The following ADAMTS2 variants were observed in gnomAD, a reference collection of about 807,000 sequenced individuals.
The protein encoded by ADAMTS2 is ADAM metallopeptidase with thrombospondin type 1 motif 2.
ADAMTS2 carries 50 observed loss-of-function variants against 123.0 expected under a neutral mutation model. That is an observed-to-expected ratio of 0.41 (90% confidence interval 0.32 to 0.51). ADAMTS2 has a LOEUF of 0.51. ADAMTS2 is among the 20% of genes least tolerant of loss of function. The probability of loss-of-function intolerance (pLI) is 0.35; values close to 1 mark genes in which losing one functional copy is unlikely to be tolerated. For synonymous variants in ADAMTS2, 678 were observed against 695.4 expected, an observed-to-expected ratio of 0.98 and a Z score of 0.39; for missense variants, 1,494 against 1,705.2, an observed-to-expected ratio of 0.88 and a Z score of 2.18.
chr5:179,273,534 C>T (rs2113514390), intron 2 of ADAMTS2, among the ~76,000 whole-genome samples: 1 of 152,280 alleles, frequency 6.6e-6, no homozygotes, highest in East Asian at 1.9e-4. Context: ...ACACATGTTC[C>T]ATCTGGGCCA....
At chr5:179,259,662 G>C (rs1247907655) in intron 3 of ADAMTS2, among the ~76,000 whole-genome samples, 1 of 152,236 alleles carries the variant, frequency 6.6e-6, no homozygotes, top group South Asian at 2.1e-4. Context: ...CTGATACCGG[G>C]TCTGTCGTTC....
intron 5 of ADAMTS2, among the ~76,000 whole-genome samples, chr5:179,172,572 A>C (rs1019276590): frequency 6.6e-6 from 1 of 152,206 alleles, no homozygotes. Flanking sequence ...CATTTCCTTC[A>C]GGTGGACCCG....
At chr5:179,338,254 G>C (rs536051847) in intron 2 of ADAMTS2, among the ~76,000 whole-genome samples, 36 of 152,214 alleles carry the variant, frequency 2.4e-4, no homozygotes, top group Middle Eastern at 6.8e-3. Context: ...CAGGAGAGAC[G>C]CCAGCCCACA....
Position 179,127,462 on chromosome 5 carries a change from C to T in ADAMTS2, c.2617+497G>A, listed in dbSNP as rs73806894. Among the ~76,000 whole-genome samples, 1,053 of 152,236 alleles carry T rather than the reference C, an allele frequency of 6.9e-3. 14 individuals are homozygous for T. Among genetic ancestry groups the T allele is most frequent in the African/African-American group, 0.024 (995 of 41,524 alleles). On this transcript the variant is annotated intron_variant, in intron 17 of 21. Transcript: ENST00000251582. Reference sequence around the variant, plus strand: ...AGAACAGATCAGCGCTTCCTGTCTGCCTCTGGGTCCTATGTCCCATCAACT... The same window carrying T: ...AGAACAGATCAGCGCTTCCTGTCTGTCTCTGGGTCCTATGTCCCATCAACT...
intron 17 of ADAMTS2, 151 bp from the exon 18 acceptor site, chr5:179,126,281 T>C: frequency 8.7e-7 from 1 of 1,155,516 alleles, no homozygotes; most frequent in South Asian, 1.4e-5. Flanking sequence ...AGCCTGCGGC[T>C]GGCTGGGGGG....
chr5:179,248,307 T>C (rs906143102), intron 3 of ADAMTS2, among the ~76,000 whole-genome samples: 38 of 151,858 alleles, frequency 2.5e-4, no homozygotes, highest in Non-Finnish European at 4.4e-5. Flanking sequence ...AAGAAGGAAA[T>C]ATTTGAGGAA....
intron 2 of ADAMTS2, among the ~76,000 whole-genome samples, chr5:179,328,786 C>T (rs759223484): frequency 6.6e-6 from 1 of 152,122 alleles, no homozygotes; most frequent in Non-Finnish European, 1.5e-5. Flanking sequence ...CATTCTAAGT[C>T]TCTTAGTAAT....
chr5:179,117,579 G>A lies in ADAMTS2; in HGVS notation c.3179-3255C>T, dbSNP rs537158408. 2.1e-5 allele frequency among the ~76,000 whole-genome samples: 3 copies of A among 146,082 alleles called. No homozygotes were observed. In the East Asian group the frequency reaches 6.1e-4, roughly 30 times the overall value. On this transcript the variant is annotated intron_variant, in intron 21 of 21. Coordinates refer to ENST00000251582, the MANE Select transcript of ADAMTS2 (RefSeq NM_014244.5). This position sits in a 1 kb window ranked among gnomAD's most constrained non-coding sequence, Gnocchi z 4.2. ...TTTTTTTTTTTTTTTTTGAGATGAA[G>A]TCTTGCTCTGTCGCCCAGGCTGGAG... is the stretch of plus-strand genomic sequence containing the variant.
chr5:179,158,191 T>A lies in ADAMTS2; in HGVS notation c.1132+532A>T, dbSNP rs1333409553. 3.3e-5 allele frequency among the ~76,000 whole-genome samples: 5 copies of A among 152,154 alleles called. No homozygotes were observed. The highest frequency in any genetic ancestry group is 7.3e-5 in the Non-Finnish European group (5 of 68,032). ...CATGTTAGCCAAGATGGTCTCGATCTCCTGACCTCGTGATCTACCTGCCTC... is the reference window on the plus strand; with the variant it reads ...CATGTTAGCCAAGATGGTCTCGATCACCTGACCTCGTGATCTACCTGCCTC... On this transcript the variant is annotated intron_variant, in intron 6 of 21. Coordinates refer to ENST00000251582, the MANE Select transcript of ADAMTS2 (RefSeq NM_014244.5). The surrounding 1 kb of genome is among the most constrained non-coding windows in gnomAD (Gnocchi z 5.0).
At chr5:179,320,150 G>A (rs1757120241) in intron 2 of ADAMTS2, among the ~76,000 whole-genome samples, 1 of 152,216 alleles carries the variant, frequency 6.6e-6, no homozygotes, top group Non-Finnish European at 1.5e-5. Context: ...GGAGGCCACG[G>A]AGGAAATTCC....
intron 2 of ADAMTS2, among the ~76,000 whole-genome samples, chr5:179,293,788 T>A (rs145319329): frequency 5.1e-4 from 78 of 152,038 alleles, no homozygotes; most frequent in African/African-American, 1.8e-3. Context: ...TAAATTTTTT[T>A]TTTTTTTGTA....
At chr5:179,172,137 C>CTATG (rs1763833051) in intron 5 of ADAMTS2, among the ~76,000 whole-genome samples, 1 of 152,208 alleles carries the variant, frequency 6.6e-6, no homozygotes, top group Non-Finnish European at 1.5e-5. Context: ...CTCAGTTCAC[C>CTATG]TATGTCCTCT....
At chr5:179,147,626 G>A (rs1763274824) in intron 10 of ADAMTS2, among the ~76,000 whole-genome samples, 1 of 152,158 alleles carries the variant, frequency 6.6e-6, no homozygotes, top group Admixed American at 6.5e-5. Context: ...TAGATGAGTT[G>A]GCACAGCGGT....
intron 3 of ADAMTS2, among the ~76,000 whole-genome samples, chr5:179,238,297 C>T (rs1765578369): frequency 6.6e-6 from 1 of 152,242 alleles, no homozygotes; most frequent in South Asian, 2.1e-4. Flanking sequence ...GATTCACCCC[C>T]AGCTACTGTG....
At chr5:179,166,432 G>A (rs1019111791) in intron 5 of ADAMTS2, among the ~76,000 whole-genome samples, 1 of 152,222 alleles carries the variant, frequency 6.6e-6, no homozygotes, top group Non-Finnish European at 1.5e-5. Context: ...TGGGTCAGAA[G>A]GTCACTTTGC....
Position 179,139,928 on chromosome 5 carries a change from C to T in ADAMTS2, c.1737G>A (p.Thr579=), listed in dbSNP as rs775505564. ...ACTGGCGGGTCCTGAACTTCACGCCCGTGCCACAGGTACGTGAGCAGGAGC... is the reference window on the plus strand; with the variant it reads ...ACTGGCGGGTCCTGAACTTCACGCCTGTGCCACAGGTACGTGAGCAGGAGC... ...PFGSCSRTCG[T]GVKFRTRQCD... Residue 579 remains threonine, a synonymous_variant, in exon 11 of 22, where the codon ACG becomes ACA. Transcript: ENST00000251582. 1.6e-5 allele frequency: 26 copies of T among 1,612,696 alleles called. No individual in the cohort carries two copies. The highest frequency in any genetic ancestry group is 4.5e-5 in the East Asian group (2 of 44,890).
chr5:179,224,378 T>C (rs1290905311), intron 3 of ADAMTS2, among the ~76,000 whole-genome samples: 1 of 152,216 alleles, frequency 6.6e-6, no homozygotes, highest in East Asian at 1.9e-4. Flanking sequence ...ACCCTCGACC[T>C]GTGGGTCCCT....
rs111409757 is a variant in ADAMTS2, at chr5:179,162,368, C to T, written c.976-3489G>A. On this transcript the variant is annotated intron_variant, in intron 5 of 21. Transcript: ENST00000251582. The surrounding 1 kb of genome is among the most constrained non-coding windows in gnomAD (Gnocchi z 5.1). ...AGTAGGCAAGGTGTGAGGTGGGGGGCCTGCAGCGGCTGGAGCCCCCCTGCA... is the reference window on the plus strand; with the variant it reads ...AGTAGGCAAGGTGTGAGGTGGGGGGTCTGCAGCGGCTGGAGCCCCCCTGCA... Among the ~76,000 whole-genome samples, 11 of 152,230 alleles carry T rather than the reference C, an allele frequency of 7.2e-5. No individual in the cohort carries two copies. Among genetic ancestry groups the T allele is most frequent in the African/African-American group, 2.6e-4 (11 of 41,542 alleles).
Position 179,157,442 on chromosome 5 carries a change from C to T in ADAMTS2, c.1132+1281G>A, listed in dbSNP as rs184670196. Among the ~76,000 whole-genome samples the T allele has an allele frequency of 7.9e-4, 121 of 152,248 alleles. 1 individual carries two copies. Among genetic ancestry groups the T allele is most frequent in the African/African-American group, 2.7e-3 (114 of 41,544 alleles). On this transcript the variant is annotated intron_variant, in intron 6 of 21. Transcript: ENST00000251582. ...GGGAGCTATCCACTCCTCACCCAGA[C>T]ATGGTAGTTTCAGTCTTTTTAACCT...
Sources: allele counts gnomAD v4.1 joint callset (sites outside exome capture counted in the v4.1 genomes callset), GRCh38; gene constraint gnomAD v4.1.1; non-coding constraint Gnocchi (gnomAD v3.1); transcripts MANE v1.5; gene names NCBI Gene and HGNC (gene_info 2026-07-23, HGNC 2026-07-21).